The following MTMR8 variants were observed in gnomAD, a reference collection of about 807,000 sequenced individuals.
MTMR8 encodes the protein phosphatidylinositol-3,5-bisphosphate 3-phosphatase MTMR8.
MTMR8 carries 65 observed loss-of-function variants against 39.3 expected under a neutral mutation model. That is an observed-to-expected ratio of 1.65 (90% CI 1.35 to 2.03). The LOEUF is 2.03. Among genes scored for constraint, MTMR8 ranks in the 30% most tolerant of loss-of-function variants. MTMR8 has a pLI of 0.00. For missense variants in MTMR8, 777 were observed against 538.9 expected (o/e 1.44, Z -4.37); for synonymous variants, 245 against 185.2 (o/e 1.32, Z -2.62).
intron 1 of MTMR8, among the ~76,000 whole-genome samples, chrX:64,363,200 T>A (rs996587427): frequency 9.0e-6 from 1 of 111,595 alleles, no homozygotes; most frequent in African/African-American, 3.3e-5. Context: ...GTATTTCCTA[T>A]GACTCAGCAA....
chrX:64,296,721 C>T (rs763284007), intron 12 of MTMR8, among the ~76,000 whole-genome samples: 134 of 106,884 alleles, frequency 1.3e-3, no homozygotes, highest in African/African-American at 4.5e-3. Context: ...CCAATGCTAT[C>T]CCTTCCCCCT....
At chrX:64,276,061 T>C (rs1372672386) in intron 12 of MTMR8, among the ~76,000 whole-genome samples, 1 of 112,288 alleles carries the variant, frequency 8.9e-6, no homozygotes, top group East Asian at 2.8e-4. Context: ...TGTGTCTATT[T>C]GATTCTTCTC....
At chrX:64,394,446 T>C (rs1371299530) in intron 1 of MTMR8, among the ~76,000 whole-genome samples, 1 of 112,071 alleles carries the variant, frequency 8.9e-6, no homozygotes, top group Non-Finnish European at 1.9e-5. Context: ...ATCCATGCTC[T>C]TTCCATTAAA....
intron 12 of MTMR8, among the ~76,000 whole-genome samples, chrX:64,290,556 C>A: frequency 9.0e-6 from 1 of 110,733 alleles, no homozygotes. Context: ...AAGATACCAA[C>A]AATTCCACTA....
chrX:64,312,424 C>T (rs976547541), intron 12 of MTMR8, among the ~76,000 whole-genome samples: 54 of 111,866 alleles, frequency 4.8e-4, no homozygotes, highest in African/African-American at 1.7e-3. Flanking sequence ...GCACAAGACA[C>T]GGATGCCCTC....
intron 8 of MTMR8, among the ~76,000 whole-genome samples, chrX:64,342,536 A>G (rs939180320): frequency 2.7e-5 from 3 of 112,561 alleles, no homozygotes; most frequent in African/African-American, 6.5e-5. Flanking sequence ...CTTTGGTCTA[A>G]TAAATTTGGT....
chrX:64,311,795 T>C (rs1005361836), intron 12 of MTMR8, among the ~76,000 whole-genome samples: 2 of 102,321 alleles, frequency 2.0e-5, no homozygotes, highest in Non-Finnish European at 4.0e-5. Context: ...GGCAGGTTTG[T>C]CAAAGATCAG....
intron 12 of MTMR8, among the ~76,000 whole-genome samples, chrX:64,284,459 T>A (rs1012938417): frequency 2.7e-5 from 3 of 111,480 alleles, no homozygotes. Context: ...ATTCAAATTC[T>A]GGAAATACAG....
chrX:64,278,607 G>A (rs1317183354), intron 12 of MTMR8, among the ~76,000 whole-genome samples: 1 of 106,876 alleles, frequency 9.4e-6, no homozygotes, highest in Non-Finnish European at 1.9e-5. Context: ...CTGAGGAGCT[G>A]GGACTACAGG....
intron 1 of MTMR8, among the ~76,000 whole-genome samples, chrX:64,367,472 C>T (rs1197970023): frequency 8.9e-6 from 1 of 111,917 alleles, no homozygotes; most frequent in African/African-American, 3.2e-5. Flanking sequence ...AATCAATAAA[C>T]TTAATCCATC....
chrX:64,317,523 G>C (rs918674320), intron 12 of MTMR8, among the ~76,000 whole-genome samples: 2 of 111,334 alleles, frequency 1.8e-5, no homozygotes, highest in Admixed American at 1.9e-4. Context: ...TTATTCATTT[G>C]AATAATTTTC....
chrX:64,364,193 C>G (rs897820950), intron 1 of MTMR8, among the ~76,000 whole-genome samples: 3 of 112,677 alleles, frequency 2.7e-5, no homozygotes. Context: ...GAAACTGCTG[C>G]AGACTTAAAT....
chrX:64,286,269 A>T (rs1253097479), intron 12 of MTMR8, among the ~76,000 whole-genome samples: 1 of 111,985 alleles, frequency 8.9e-6, no homozygotes, highest in African/African-American at 3.2e-5. Context: ...TCCCAAGAGC[A>T]AACCAGGAAG....
At chrX:64,394,399 G>T (rs1171850186) in intron 1 of MTMR8, among the ~76,000 whole-genome samples, 1 of 112,133 alleles carries the variant, frequency 8.9e-6, no homozygotes, top group African/African-American at 3.2e-5. Flanking sequence ...TGGGGGTGCA[G>T]TGGGCAGCAC....
At chrX:64,360,300 T>C (rs1054249243) in intron 1 of MTMR8, 7 of 258,940 alleles carry the variant, frequency 2.7e-5, no homozygotes, top group Non-Finnish European at 4.3e-5. Flanking sequence ...TCGAACTATA[T>C]CAAGCAACTA....
Position 64,356,244 on chromosome X carries a change from T to G in MTMR8, c.242A>C (p.His81Pro). 8.3e-7 allele frequency: 1 copy of G among 1,209,328 alleles called. No individual in the cohort carries two copies. Among genetic ancestry groups the G allele is most frequent in the Non-Finnish European group, 1.1e-6 (1 of 894,281 alleles). The change falls in exon 3 of 14, where the codon CAC becomes CCC. Residue 81 changes from histidine to proline, a missense_variant. Transcript: ENST00000374852. ...CACAAGGTCAGAATCTAAAACAAAG[T>G]GGGCCACCCGGAAATTCTTGCAGCG... is the stretch of plus-strand genomic sequence containing the variant. Reference protein sequence around the residue: ...TLRCKNFRVAHFVLDSDLVCH... With the variant: ...TLRCKNFRVAPFVLDSDLVCH...
At chrX:64,281,691 A>T (rs927252974) in intron 12 of MTMR8, among the ~76,000 whole-genome samples, 2 of 111,726 alleles carry the variant, frequency 1.8e-5, no homozygotes, top group African/African-American at 6.5e-5. Flanking sequence ...AAAAGCTAAA[A>T]TTGACAAATG....
At position 64,271,200 on chromosome X, in the gene MTMR8, G is replaced by T. The variant is rs1931753050; in HGVS notation, c.1482-127C>A. 4 of 663,521 alleles carry T rather than the reference G, an allele frequency of 6.0e-6. 1 individual carries two copies. Among genetic ancestry groups the T allele is most frequent in the South Asian group, 9.5e-5 (2 of 21,040 alleles). The allele number at this position is 663,521 out of a possible 1,213,427, so 54.7% of individuals were successfully genotyped here. Reference sequence around the variant, plus strand: ...GAAAATCTCATGAGTACTGTAATTTGATGACATTAAAAAGCCTGGACATGC... The same window carrying T: ...GAAAATCTCATGAGTACTGTAATTTTATGACATTAAAAAGCCTGGACATGC... On this transcript the variant is annotated intron_variant, in intron 12 of 13. Transcript: ENST00000374852.
At position 64,328,764 on chromosome X, in the gene MTMR8, G is replaced by C. The variant is rs756978621; in HGVS notation, c.1481+8C>G. 6.2e-5 allele frequency: 71 copies of C among 1,150,992 alleles called. No individual in the cohort carries two copies. The Admixed American group carries it at 1.9e-3, about 32-fold the overall frequency. The allele number at this position is 1,150,992 out of a possible 1,213,427, so 94.9% of individuals were successfully genotyped here. A position where few individuals can be genotyped will look rare whatever the true frequency, so the allele number is the denominator to read the frequency against. On this transcript the variant is annotated splice_region_variant and intron_variant, in intron 12 of 13. Coordinates refer to ENST00000374852, the MANE Select transcript of MTMR8 (RefSeq NM_017677.4). ...TATAAGAAAGGAGGGAAAAACTTAA[G>C]AACTTACTGAATGTTGTAGGGCACA...
Sources: gnomAD v4.1 joint callset for allele counts (sites outside exome capture counted in the v4.1 genomes callset) on GRCh38, gnomAD v4.1.1 for gene constraint, MANE v1.5 for transcripts, NCBI Gene and HGNC (gene_info 2026-07-23, HGNC 2026-07-21) for gene names.